DHRS4L2: variants seen among roughly 807,000 people sequenced by gnomAD.
DHRS4L2 encodes dehydrogenase/reductase 4 like 2, also known as dehydrogenase/reductase SDR family member 4-like 2.
Under a neutral mutation model 23.9 loss-of-function variants are expected in DHRS4L2, and 22 were observed. That is an observed-to-expected ratio of 0.92 (90% confidence interval 0.66 to 1.31). DHRS4L2 has a LOEUF of 1.31. Among genes scored for constraint, DHRS4L2 ranks in the 40% most tolerant of loss-of-function variants. The probability of loss-of-function intolerance (pLI) is 0.00; values close to 1 mark genes in which losing one functional copy is unlikely to be tolerated. For missense variants in DHRS4L2, 385 were observed against 303.3 expected (o/e 1.27, Z -2.00); for synonymous variants, 141 against 123.7 (o/e 1.14, Z -0.93).
At chr14:23,990,395 T>A in intron 2 of DHRS4L2, 36 bp downstream of exon 2, 2 of 1,584,512 alleles carry the variant, frequency 1.3e-6, no homozygotes, top group Non-Finnish European at 1.7e-6. Flanking sequence ...AGCCAGGAGG[T>A]GGAAAAGGAA....
At chr14:23,988,871 G>A (rs546627502), upstream of DHRS4L2, 4 of 1,544,204 alleles carry the variant, frequency 2.6e-6, no homozygotes, top group South Asian at 1.2e-5. Flanking sequence ...GAAGCGGCCC[G>A]CCCTTCGTCC....
intron 2 of DHRS4L2, chr14:23,991,056 A>G: frequency 4.2e-6 from 1 of 236,876 alleles, no homozygotes; most frequent in Non-Finnish European, 6.9e-6. Flanking sequence ...TTCACAAAGG[A>G]AGCTCCTCTT....
Position 24,001,043 on chromosome 14 carries a change from G to A in DHRS4L2, c.490G>A (p.Val164Met). 1 of 1,611,478 alleles carries A rather than the reference G, an allele frequency of 6.2e-7. No individual in the cohort carries two copies. The highest frequency in any genetic ancestry group is 8.5e-7 in the Non-Finnish European group (1 of 1,179,496). Residue 164 changes from valine (V) to methionine (M), a missense_variant, in exon 5 of 8, where the codon GTG (valine) becomes ATG (methionine). Physicochemically the swap from Val to Met is conservative, Grantham distance 21 (BLOSUM62 1). Coordinates refer to ENST00000335125, the MANE Select transcript of DHRS4L2 (RefSeq NM_198083.4). The part of the protein sequence containing the change: ...PEMEKRGGGS[V>M]VIVSSIAAFS... ...CTCTTCTTTTTCCAGAGGCGGCTCA[G>A]TGGTGATCGTGTCTTCCATAGCAGC...
upstream of DHRS4L2, among the ~76,000 whole-genome samples, chr14:23,988,167 G>A (rs2034187708): frequency 1.3e-5 from 2 of 150,530 alleles, no homozygotes; most frequent in Admixed American, 1.3e-4. Context: ...CTAGGATGGA[G>A]GCTAAGACCT....
Position 23,994,334 on chromosome 14 carries a change from A to C in DHRS4L2, c.307-698A>C, listed in dbSNP as rs542209840. Among the ~76,000 whole-genome samples the C allele has an allele frequency of 2.0e-5, 3 of 151,714 alleles. No individual in the cohort carries two copies. The East Asian group carries it at 5.8e-4, about 29-fold the overall frequency. ...GAGAATGAAGGAGCTTTCCAAAGGG[A>C]AAGTGTAAAGAAAAGAGCGTCAGAG... On this transcript the variant is annotated intron_variant, in intron 2 of 7. Coordinates refer to ENST00000335125, the MANE Select transcript of DHRS4L2 (RefSeq NM_198083.4).
Position 24,001,247 on chromosome 14 carries a change from T to A in DHRS4L2, c.532-137T>A, listed in dbSNP as rs2034482183. On this transcript the variant is annotated intron_variant, in intron 5 of 7. Coordinates refer to ENST00000335125, the MANE Select transcript of DHRS4L2 (RefSeq NM_198083.4). ...TCCACAAACCATAACCTAGGGGAGG[T>A]TTAGCCACAAGACAGTTTCCTAACT... 5 of 1,569,128 alleles carry A rather than the reference T, an allele frequency of 3.2e-6. No homozygotes were observed. The East Asian group carries it at 9.0e-5, about 28-fold the overall frequency.
intron 2 of DHRS4L2, among the ~76,000 whole-genome samples, chr14:23,992,639 C>T (rs1268088090): frequency 4.0e-5 from 6 of 151,254 alleles, no homozygotes; most frequent in African/African-American, 9.7e-5. Flanking sequence ...AGCTCCTAAC[C>T]GCTTTAGTGT....
At chr14:23,985,932 G>C (rs1456117424), upstream of DHRS4L2, among the ~76,000 whole-genome samples, 8 of 151,400 alleles carry the variant, frequency 5.3e-5, no homozygotes. Context: ...TTGAACTCTT[G>C]ACCATGCCCA....
chr14:23,970,537 C>T (rs1297440089), intron 1 of DHRS4L2, among the ~76,000 whole-genome samples: 2 of 152,100 alleles, frequency 1.3e-5, no homozygotes, highest in African/African-American at 4.8e-5. Context: ...CCTCAGGGGC[C>T]AGGGCATATC....
At chr14:23,977,322 G>A (rs1026404828) in intron 1 of DHRS4L2, among the ~76,000 whole-genome samples, 4 of 151,778 alleles carry the variant, frequency 2.6e-5, no homozygotes, top group African/African-American at 9.7e-5. Context: ...CCAAGGGCTG[G>A]CAGTGCTGAG....
In DHRS4L2 at chr14:23,981,305, G is replaced by C. The variant is rs548808627; in HGVS notation, c.-175-8877G>C. ...ACCACTGCTCAAGGAAATAAGTGAG[G>C]ACACAAACAAATGGAAAAACAGTCC... On this transcript the variant is annotated intron_variant, in intron 1 of 5. Transcript: ENST00000534993. 9.1e-4 allele frequency among the ~76,000 whole-genome samples: 138 copies of C among 151,696 alleles called. 1 individual carries two copies. The highest frequency in any genetic ancestry group is 3.4e-3 in the Middle Eastern group (1 of 294).
chr14:23,981,661 C>G (rs1418282348), intron 1 of DHRS4L2, among the ~76,000 whole-genome samples: 2 of 151,534 alleles, frequency 1.3e-5, no homozygotes, highest in East Asian at 3.9e-4. Context: ...TCTGAGTTCC[C>G]TCAGCATTTA....
chr14:23,984,239 C>G (rs554041469), upstream of DHRS4L2, among the ~76,000 whole-genome samples: 1 of 151,504 alleles, frequency 6.6e-6, no homozygotes, highest in Admixed American at 6.6e-5. Context: ...GGTAAAAGAA[C>G]CATAGGGAAG....
chr14:23,972,715 T>C (rs574271879), intron 1 of DHRS4L2, among the ~76,000 whole-genome samples: 2 of 151,980 alleles, frequency 1.3e-5, no homozygotes, highest in Non-Finnish European at 2.9e-5. Flanking sequence ...ACCAAGGACC[T>C]GCACCGGCAC....
Position 24,000,972 on chromosome 14 carries a change from C to A in DHRS4L2, c.479+39C>A, listed in dbSNP as rs1227709781. ...GAGAGAGCCTGGGTGAGAGGGGACC[C>A]CACACAGGCTGAGGGCAGTGGTCCA... On this transcript the variant is annotated intron_variant, in intron 4 of 7. Coordinates refer to ENST00000335125, the MANE Select transcript of DHRS4L2 (RefSeq NM_198083.4). The A allele has an allele frequency of 6.8e-6, 11 of 1,611,298 alleles. 1 individual carries two copies. Among genetic ancestry groups the A allele is most frequent in the Middle Eastern group, 1.6e-4 (1 of 6,080 alleles).
At chr14:23,974,824 A>T (rs998791612) in intron 1 of DHRS4L2, among the ~76,000 whole-genome samples, 1 of 151,894 alleles carries the variant, frequency 6.6e-6, no homozygotes, top group African/African-American at 2.4e-5. Context: ...AGAGGTACAA[A>T]GAGGAGCTGG....
chr14:23,976,566 A>G (rs1362042578), intron 1 of DHRS4L2, among the ~76,000 whole-genome samples: 1 of 151,844 alleles, frequency 6.6e-6, no homozygotes, highest in Non-Finnish European at 1.5e-5. Flanking sequence ...AGGATCTAGA[A>G]CCAGAAATAC....
chr14:23,976,629 A>T (rs2033972271), intron 1 of DHRS4L2, among the ~76,000 whole-genome samples: 1 of 151,908 alleles, frequency 6.6e-6, no homozygotes, highest in Non-Finnish European at 1.5e-5. Context: ...ATCATAAATC[A>T]TTCTACTATA....
intron 6 of DHRS4L2, 33 bp downstream of exon 6, chr14:24,001,550 C>A: frequency 6.3e-7 from 1 of 1,596,656 alleles, no homozygotes; most frequent in South Asian, 1.1e-5. Context: ...TTGACTGGGA[C>A]CCCTTGAAAG....
Sources: gnomAD v4.1 joint callset for allele counts (sites outside exome capture counted in the v4.1 genomes callset) on GRCh38, gnomAD v4.1.1 for gene constraint, MANE v1.5 for transcripts, NCBI Gene and HGNC (gene_info 2026-07-23, HGNC 2026-07-21) for gene names.